The following ZNF407 variants were observed in gnomAD, a reference collection of about 807,000 sequenced individuals.
The protein encoded by ZNF407 is zinc finger protein 407.
Under a neutral mutation model 131.2 loss-of-function variants are expected in ZNF407, and 17 were observed. That is an observed-to-expected ratio of 0.13 (90% CI 0.09 to 0.19). The LOEUF (loss-of-function observed/expected upper bound fraction) is 0.19. ZNF407 is among the 10% of genes least tolerant of loss of function. The pLI is 1.00. For missense variants in ZNF407, 2,681 were observed against 2,830.6 expected (o/e 0.95, Z 1.20); for synonymous variants, 1,156 against 1,062.0 (o/e 1.09, Z -1.72).
At chr18:74,912,399 A>G (rs920206467) in intron 7 of ZNF407, among the ~76,000 whole-genome samples, 3 of 152,174 alleles carry the variant, frequency 2.0e-5, no homozygotes, top group South Asian at 2.1e-4. Flanking sequence ...GATGAGGTCT[A>G]CCAGGCAGAA....
chr18:74,872,716 A>G (rs1971104524), intron 4 of ZNF407, among the ~76,000 whole-genome samples: 1 of 149,114 alleles, frequency 6.7e-6, no homozygotes, highest in African/African-American at 2.5e-5. Flanking sequence ...AGATCGGGCC[A>G]CTCTACTCCA....
At chr18:74,843,760 A>C (rs1478230838) in intron 4 of ZNF407, among the ~76,000 whole-genome samples, 2 of 152,186 alleles carry the variant, frequency 1.3e-5, no homozygotes, top group Non-Finnish European at 2.9e-5. Context: ...ATTTATCAAG[A>C]GTACACAGAT....
intron 4 of ZNF407, among the ~76,000 whole-genome samples, chr18:74,871,265 G>T (rs1465929878): frequency 6.6e-6 from 1 of 152,050 alleles, no homozygotes; most frequent in Non-Finnish European, 1.5e-5. Context: ...ACCCTTCTAG[G>T]CAAAGACCAC....
At chr18:74,624,899 G>C (rs1442969076) in intron 1 of ZNF407, among the ~76,000 whole-genome samples, 1 of 152,214 alleles carries the variant, frequency 6.6e-6, no homozygotes, top group Non-Finnish European at 1.5e-5. Context: ...TGCTATCTGA[G>C]TTAAATATTC....
At chr18:74,959,096 A>G (rs541965159) in intron 8 of ZNF407, among the ~76,000 whole-genome samples, 3 of 152,330 alleles carry the variant, frequency 2.0e-5, no homozygotes, top group African/African-American at 7.2e-5. Context: ...TACTTTTCAT[A>G]AAGTCTAGTC....
At chr18:74,946,040 T>C (rs1243590894) in intron 8 of ZNF407, among the ~76,000 whole-genome samples, 1 of 152,226 alleles carries the variant, frequency 6.6e-6, no homozygotes, top group South Asian at 2.1e-4. Context: ...AAGTAGTCAT[T>C]ACCTCAGTTA....
At chr18:75,013,126 T>C (rs1483519892) in intron 8 of ZNF407, among the ~76,000 whole-genome samples, 1 of 152,096 alleles carries the variant, frequency 6.6e-6, no homozygotes, top group African/African-American at 2.4e-5. Flanking sequence ...TACACAGTCA[T>C]TTTGCTGTGC....
chr18:74,890,153 G>A, intron 7 of ZNF407, 115 bp downstream of exon 7: 2 of 1,192,304 alleles, frequency 1.7e-6, no homozygotes, highest in African/African-American at 1.6e-5. Flanking sequence ...CATATATTCG[G>A]TTGGGAGCTA....
intron 8 of ZNF407, among the ~76,000 whole-genome samples, chr18:74,948,584 A>G (rs1245766922): frequency 6.6e-6 from 1 of 152,234 alleles, no homozygotes; most frequent in Admixed American, 6.5e-5. Context: ...TCATTTTTAC[A>G]TGTGATTCTG....
intron 4 of ZNF407, among the ~76,000 whole-genome samples, chr18:74,796,369 CT>C (rs1969919676): frequency 6.6e-6 from 1 of 152,146 alleles, no homozygotes; most frequent in South Asian, 2.1e-4. Flanking sequence ...ATGAAATAGG[CT>C]TGTGGATTAG....
At chr18:74,999,342 G>A (rs1477724440) in intron 8 of ZNF407, among the ~76,000 whole-genome samples, 2 of 77,684 alleles carry the variant, frequency 2.6e-5, no homozygotes, top group Non-Finnish European at 4.5e-5. Flanking sequence ...AAAACTTAGA[G>A]TATAATAAAA....
At chr18:74,857,228 C>T (rs1283402239) in intron 4 of ZNF407, among the ~76,000 whole-genome samples, 3 of 152,148 alleles carry the variant, frequency 2.0e-5, no homozygotes, top group Non-Finnish European at 4.4e-5. Flanking sequence ...TGATATTCGA[C>T]GTGTTTCAGA....
intron 8 of ZNF407, among the ~76,000 whole-genome samples, chr18:74,988,058 A>G (rs974121057): frequency 6.6e-6 from 1 of 152,268 alleles, no homozygotes; most frequent in Non-Finnish European, 1.5e-5. Flanking sequence ...TACTCTAAAG[A>G]TACAATAATG....
chr18:74,851,769 T>C (rs1329179177), intron 4 of ZNF407, among the ~76,000 whole-genome samples: 1 of 152,158 alleles, frequency 6.6e-6, no homozygotes, highest in Non-Finnish European at 1.5e-5. Flanking sequence ...AGTTTATTAT[T>C]TAGGACACAA....
At chr18:74,676,466 TCG>T (rs1986368671) in intron 3 of ZNF407, among the ~76,000 whole-genome samples, 1 of 148,198 alleles carries the variant, frequency 6.7e-6, no homozygotes, top group Non-Finnish European at 1.5e-5. Flanking sequence ...AGACGGAGTC[TCG>T]CTCTGTCACC....
intron 3 of ZNF407, among the ~76,000 whole-genome samples, chr18:74,649,007 TCTC>T (rs1274070338): frequency 6.6e-6 from 1 of 152,196 alleles, no homozygotes; most frequent in African/African-American, 2.4e-5. Context: ...TGAGACCCTG[TCTC>T]CTCTTTCCCC....
chr18:75,028,534 G>C (rs577469947), intron 8 of ZNF407, among the ~76,000 whole-genome samples: 1 of 152,150 alleles, frequency 6.6e-6, no homozygotes, highest in Non-Finnish European at 1.5e-5. Context: ...AATTTGAGGG[G>C]ACACATTTCA....
intron 8 of ZNF407, among the ~76,000 whole-genome samples, chr18:74,950,221 G>A (rs1431218873): frequency 6.6e-6 from 1 of 152,180 alleles, no homozygotes; most frequent in Admixed American, 6.5e-5. Flanking sequence ...AAAGCTGCCT[G>A]CTGCCGATCC....
chr18:74,653,119 A>G (rs1217779532), intron 3 of ZNF407, among the ~76,000 whole-genome samples: 1 of 151,930 alleles, frequency 6.6e-6, no homozygotes, highest in Non-Finnish European at 1.5e-5. Context: ...TGTTGAACCA[A>G]ATTAAGCCTA....
Sources: allele counts gnomAD v4.1 joint callset (sites outside exome capture counted in the v4.1 genomes callset), GRCh38; gene constraint gnomAD v4.1.1; transcripts MANE v1.5; gene names NCBI Gene and HGNC (gene_info 2026-07-23, HGNC 2026-07-21).